Variants in CHFR observed in about 807,000 individuals in gnomAD.
CHFR encodes E3 ubiquitin-protein ligase CHFR.
CHFR carries 57 observed loss-of-function variants against 87.6 expected under a neutral mutation model. That is an observed-to-expected ratio of 0.65 (90% CI 0.53 to 0.81). CHFR has a LOEUF of 0.81. Ranked by LOEUF, CHFR falls within the 30% of genes least tolerant of loss-of-function variation. The pLI is 0.00. For missense variants in CHFR, 797 were observed against 865.8 expected (o/e 0.92, Z 1.00); for synonymous variants, 381 against 359.2 (o/e 1.06, Z -0.69).
chr12:132,887,446 G>T, intron 1 of CHFR, 101 bp downstream of exon 1: 6 of 847,964 alleles, frequency 7.1e-6, no homozygotes, highest in Non-Finnish European at 7.2e-6. Flanking sequence ...CGCCCACGCA[G>T]CCCCGCAGCC....
At chr12:132,872,206 G>T in intron 4 of CHFR, 79 bp downstream of exon 4, 1 of 855,938 alleles carries the variant, frequency 1.2e-6, no homozygotes, top group Non-Finnish European at 2.0e-6. Flanking sequence ...AAGGGATGTA[G>T]CCAGGAGGAA....
intron 6 of CHFR, among the ~76,000 whole-genome samples, chr12:132,865,335 G>A (rs905453552): frequency 4.6e-5 from 7 of 152,278 alleles, no homozygotes; most frequent in African/African-American, 1.4e-4. Context: ...TCAGCATTCA[G>A]GTGGCTATTC....
Position 132,869,682 on chromosome 12 carries a change from G to A in CHFR, c.520C>T (p.Pro174Ser), listed in dbSNP as rs368788828. 41 of 1,551,622 alleles carry A rather than the reference G, an allele frequency of 2.6e-5. 1 individual carries two copies. In the Middle Eastern group the frequency reaches 5.0e-4, roughly 19 times the overall value. ...TCCGTGGAAGAGGCCGAGGCTGTGG[G>A]GAAGAGGTCTGACGTCGATGTTGAT... is the stretch of plus-strand genomic sequence containing the variant. ...QPSTSTSDLF[P>S]TASASSTEPS... The change falls in exon 6 of 18, where the codon CCC becomes TCC. Residue 174 changes from proline to serine, a missense_variant. Transcript: ENST00000450056.
At chr12:132,851,388 A>C (rs189635956) in intron 12 of CHFR, among the ~76,000 whole-genome samples, 12 of 152,300 alleles carry the variant, frequency 7.9e-5, no homozygotes. Context: ...CACAGATCCA[A>C]GCCGAGCCCC....
At position 132,835,195 on chromosome 12, in the gene CHFR, C is replaced by T. The variant is rs188472984; in HGVS notation, c.*6359G>A. The T allele has an allele frequency of 6.6e-6, 1 of 152,110 alleles. No homozygotes were observed. The highest frequency in any genetic ancestry group is 1.5e-5 in the Non-Finnish European group (1 of 68,018). 9.4% of individuals were successfully genotyped at this position (152,110 alleles called of 1,614,324 possible). The stretch of plus-strand genomic sequence containing the variant: ...GATACGGGTATCTGTGGTGGCGGGA[C>T]GGGGACATGGCTCAGCCCACCACGG... On this transcript the variant is annotated 3_prime_UTR_variant, in exon 18 of 18. Coordinates refer to ENST00000450056, the MANE Select transcript of CHFR (RefSeq NM_001161346.2).
At position 132,848,067 on chromosome 12, in the gene CHFR, C is replaced by A. The variant is rs1437393000; in HGVS notation, c.1647+18G>T. On this transcript the variant is annotated intron_variant, in intron 14 of 17. Transcript: ENST00000450056. ...GAAAATGTGGCTCCCGGCTCCCCAGCCCGCAGCGAGTCGGTACCTTCAGGA... is the reference window on the plus strand; with the variant it reads ...GAAAATGTGGCTCCCGGCTCCCCAGACCGCAGCGAGTCGGTACCTTCAGGA... 4.3e-6 allele frequency: 7 copies of A among 1,613,908 alleles called. No homozygotes were observed. The African/African-American group carries it at 6.7e-5, about 15-fold the overall frequency.
chr12:132,860,365 A>C (rs910145014), intron 7 of CHFR, among the ~76,000 whole-genome samples: 3 of 152,206 alleles, frequency 2.0e-5, no homozygotes, highest in Non-Finnish European at 4.4e-5. Context: ...CTGCTGAGCC[A>C]AGTAGTTTAC....
chr12:132,864,716 C>T (rs528701305), intron 6 of CHFR, among the ~76,000 whole-genome samples: 10 of 152,110 alleles, frequency 6.6e-5, no homozygotes, highest in South Asian at 2.1e-4. Flanking sequence ...CTTGAACTCC[C>T]GACCTCAGGC....
At chr12:132,886,817 T>C (rs1951905008) in intron 2 of CHFR, among the ~76,000 whole-genome samples, 1 of 152,358 alleles carries the variant, frequency 6.6e-6, no homozygotes, top group East Asian at 1.9e-4. Flanking sequence ...TAAAGACTTA[T>C]TTGACCCACC....
chr12:132,880,226 A>G (rs1951734736), intron 2 of CHFR, among the ~76,000 whole-genome samples: 1 of 152,222 alleles, frequency 6.6e-6, no homozygotes, highest in African/African-American at 2.4e-5. Context: ...ACAAATGTAA[A>G]ATCTAAAACT....
intron 3 of CHFR, among the ~76,000 whole-genome samples, chr12:132,874,794 C>T (rs1192275718): frequency 2.0e-5 from 3 of 149,774 alleles, no homozygotes; most frequent in African/African-American, 7.4e-5. Flanking sequence ...CAGCACCCAG[C>T]GTGGGGAAGC....
At chr12:132,843,776 C>T (rs1468867017) in intron 16 of CHFR, among the ~76,000 whole-genome samples, 3 of 152,020 alleles carry the variant, frequency 2.0e-5, no homozygotes, top group African/African-American at 7.2e-5. Flanking sequence ...TGGTGAAACC[C>T]CGTCTCTACT....
At position 132,837,901 on chromosome 12, in the gene CHFR, G is replaced by C. The variant is rs574337015; in HGVS notation, c.*3653C>G. 6.6e-6 allele frequency: 1 copy of C among 152,494 alleles called. No homozygotes were observed. The highest frequency in any genetic ancestry group is 1.5e-5 in the Non-Finnish European group (1 of 68,128). 9.4% of individuals were successfully genotyped at this position (152,494 alleles called of 1,614,324 possible). On this transcript the variant is annotated 3_prime_UTR_variant, in exon 18 of 18. Coordinates refer to ENST00000450056, the MANE Select transcript of CHFR (RefSeq NM_001161346.2). ...CGTTCTGGTTTCCCCATCAAGCCAGGCTGGAGGGACGATCTACTTTCCTAA... is the reference window on the plus strand; with the variant it reads ...CGTTCTGGTTTCCCCATCAAGCCAGCCTGGAGGGACGATCTACTTTCCTAA...
intron 15 of CHFR, among the ~76,000 whole-genome samples, chr12:132,846,364 G>A (rs1021450655): frequency 6.0e-5 from 9 of 150,206 alleles, no homozygotes; most frequent in South Asian, 2.1e-4. Context: ...CCGGGTTCAC[G>A]CCATTCTCCT....
intron 6 of CHFR, among the ~76,000 whole-genome samples, chr12:132,863,707 A>C (rs1197698492): frequency 6.6e-6 from 1 of 152,206 alleles, no homozygotes; most frequent in Non-Finnish European, 1.5e-5. Flanking sequence ...GCAAGAAGCC[A>C]GAGTCATAAC....
intron 3 of CHFR, among the ~76,000 whole-genome samples, chr12:132,875,700 A>G (rs1951615566): frequency 1.3e-5 from 2 of 152,246 alleles, no homozygotes; most frequent in Admixed American, 1.3e-4. Context: ...TCATCCCAAG[A>G]AAACAGACAT....
chr12:132,887,081 C>T, intron 2 of CHFR, 115 bp downstream of exon 2: 1 of 845,184 alleles, frequency 1.2e-6, no homozygotes, highest in South Asian at 2.0e-5. Flanking sequence ...TCTTACATGA[C>T]ATTTCACTCC....
intron 2 of CHFR, among the ~76,000 whole-genome samples, chr12:132,878,377 G>A (rs574268102): frequency 2.6e-5 from 4 of 151,990 alleles, no homozygotes; most frequent in African/African-American, 9.7e-5. Context: ...GCTGAGGCAG[G>A]AGAATCGCAT....
chr12:132,849,618 CAG>C (rs1015428060), intron 12 of CHFR: 2 of 148,712 alleles, frequency 1.3e-5, no homozygotes, highest in African/African-American at 5.0e-5. Flanking sequence ...TTTTTTGAGA[CAG>C]AGTCTTGCTC....
Sources: allele counts gnomAD v4.1 joint callset (sites outside exome capture counted in the v4.1 genomes callset), GRCh38; gene constraint gnomAD v4.1.1; transcripts MANE v1.5; gene names NCBI Gene and HGNC (gene_info 2026-07-23, HGNC 2026-07-21).